Variants in JADE3 observed in about 807,000 individuals in gnomAD.
JADE3 encodes protein Jade-3.
In JADE3, 2 loss-of-function variants were observed where a neutral mutation model predicts 50.1. The observed-to-expected ratio is 0.04, with a 90% CI of 0.02 to 0.13. The LOEUF (loss-of-function observed/expected upper bound fraction) is 0.13, where lower values mean the gene tolerates loss of function less well. Ranked by LOEUF, JADE3 falls within the 10% of genes least tolerant of loss-of-function variation. The pLI, the probability that JADE3 is intolerant of heterozygous loss-of-function variation, is 1.00. For synonymous variants in JADE3, 218 were observed against 232.9 expected, an observed-to-expected ratio of 0.94 and a Z score of 0.58; for missense variants, 475 against 634.4, an observed-to-expected ratio of 0.75 and a Z score of 2.70.
At chrX:46,942,674 A>G (rs188111208) in intron 1 of JADE3, among the ~76,000 whole-genome samples, 18 of 111,980 alleles carry the variant, frequency 1.6e-4, no homozygotes, top group African/African-American at 4.2e-4. Flanking sequence ...TGCTTTGGCT[A>G]TTTAGGCTCT....
chrX:46,969,746 T>C (rs1265277004), intron 1 of JADE3, among the ~76,000 whole-genome samples: 1 of 111,537 alleles, frequency 9.0e-6, no homozygotes, highest in Non-Finnish European at 1.9e-5. Context: ...CAAGAATTGC[T>C]CGAACCCGGG....
rs1929690241 is a variant in JADE3, at chrX:47,058,688, A to G, written c.2083A>G (p.Ser695Gly). Residue 695 changes from serine (S) to glycine (G), a missense_variant, in exon 11 of 11, where the codon AGC (serine) becomes GGC (glycine). Around this residue, in one of 6 missense-constraint regions of JADE3, gnomAD observed 243 missense variants for 238.2 expected, o/e 1.02. Coordinates refer to ENST00000614628, the MANE Select transcript of JADE3 (RefSeq NM_014735.5). ...GTTCTGTGACCAGGAGCCTGTGTTC[A>G]GCCCCCACTTGGTCAGTCAGGGCAG... is the stretch of plus-strand genomic sequence containing the variant. Reference protein sequence around the residue: ...EMFCDQEPVFSPHLVSQGSFR... With the variant: ...EMFCDQEPVFGPHLVSQGSFR... 3 of 1,211,560 alleles carry G rather than the reference A, an allele frequency of 2.5e-6. No individual in the cohort carries two copies. Among genetic ancestry groups the G allele is most frequent in the Non-Finnish European group, 3.4e-6 (3 of 895,399 alleles).
At chrX:47,014,970 CTA>C (rs1556362554) in intron 4 of JADE3, among the ~76,000 whole-genome samples, 1 of 112,153 alleles carries the variant, frequency 8.9e-6, no homozygotes, top group African/African-American at 3.2e-5. Context: ...TTATGTATTA[CTA>C]TGTTAATAAT....
chrX:47,056,277 C>A (rs1170738609), intron 10 of JADE3, 78 bp downstream of exon 10: 1 of 522,632 alleles, frequency 1.9e-6, no homozygotes, highest in Non-Finnish European at 3.3e-6. Context: ...AAATTTCATG[C>A]CAGTCATTCC....
At chrX:47,024,949 A>T in intron 5 of JADE3, 35 bp downstream of exon 5, 1 of 863,528 alleles carries the variant, frequency 1.2e-6, no homozygotes, top group Admixed American at 3.0e-5. Context: ...TTGTGACTTA[A>T]TTCATGTTTT....
intron 4 of JADE3, among the ~76,000 whole-genome samples, chrX:47,018,311 G>C (rs1602410459): frequency 3.6e-5 from 4 of 110,201 alleles, no homozygotes; most frequent in Admixed American, 1.9e-4. Flanking sequence ...TGAGAATTCA[G>C]TAAGGAGCAC....
At chrX:47,041,599 T>C (rs781940982) in intron 8 of JADE3, among the ~76,000 whole-genome samples, 2 of 111,237 alleles carry the variant, frequency 1.8e-5, no homozygotes, top group Non-Finnish European at 3.8e-5. Flanking sequence ...TCCAGGCTGG[T>C]CTCGAACTCC....
intron 4 of JADE3, among the ~76,000 whole-genome samples, chrX:47,015,447 G>T (rs1556362646): frequency 9.2e-6 from 1 of 109,185 alleles, no homozygotes; most frequent in Admixed American, 9.8e-5. Context: ...AGCTGGGTGT[G>T]GTGGCTTATG....
At chrX:47,045,489 A>C (rs980666005) in intron 8 of JADE3, among the ~76,000 whole-genome samples, 1 of 112,585 alleles carries the variant, frequency 8.9e-6, no homozygotes, top group African/African-American at 3.2e-5. Context: ...GCATTGGACA[A>C]ATCATCCAGA....
rs184586426 is a variant in JADE3, at chrX:46,918,854, C to A, written c.-12+6135C>A. ...AGCACTTTTCAAATGTTTGCTGTGTCACATTTGCTATTGTCCCATAAGCTA... is the reference window on the plus strand; with the variant it reads ...AGCACTTTTCAAATGTTTGCTGTGTAACATTTGCTATTGTCCCATAAGCTA... On this transcript the variant is annotated intron_variant, in intron 1 of 10. Coordinates refer to ENST00000614628, the MANE Select transcript of JADE3 (RefSeq NM_014735.5). Among the ~76,000 whole-genome samples the A allele has an allele frequency of 5.3e-3, 597 of 112,407 alleles. 3 individuals are homozygous for A. The highest frequency in any genetic ancestry group is 8.2e-3 in the Non-Finnish European group (435 of 53,291).
intron 1 of JADE3, among the ~76,000 whole-genome samples, chrX:46,976,737 AT>A (rs1181047707): frequency 8.9e-6 from 1 of 111,848 alleles, no homozygotes; most frequent in African/African-American, 3.2e-5. Flanking sequence ...TTCTAAGGTA[AT>A]TTTTTTCATG....
At position 46,926,712 on chromosome X, in the gene JADE3, A is replaced by G. The variant is rs782508354; in HGVS notation, c.-12+13993A>G. ...TCTGGCAGCCACTGATCTGTGTTCT[A>G]TCACTACAGTTTTGTTATTTTGAGA... On this transcript the variant is annotated intron_variant, in intron 1 of 10. Transcript: ENST00000614628. Among the ~76,000 whole-genome samples, 3 of 112,672 alleles carry G rather than the reference A, an allele frequency of 2.7e-5. No homozygotes were observed. The East Asian group carries it at 8.3e-4, about 31-fold the overall frequency.
chrX:46,947,362 C>T lies in JADE3; in HGVS notation c.-12+34643C>T, dbSNP rs142536838. ...ACTGCGGTGTTCTTGTCCTTGAGCC[C>T]GGAGGGGTAGATACTTGGACATGGA... is the stretch of plus-strand genomic sequence containing the variant. On this transcript the variant is annotated intron_variant, in intron 1 of 10. Transcript: ENST00000614628. Among the ~76,000 whole-genome samples, 1,044 of 111,342 alleles carry T rather than the reference C, an allele frequency of 9.4e-3. 15 individuals are homozygous for T. Among genetic ancestry groups the T allele is most frequent in the African/African-American group, 0.032 (981 of 30,620 alleles).
intron 5 of JADE3, among the ~76,000 whole-genome samples, chrX:47,027,052 G>A (rs782008829): frequency 1.8e-5 from 2 of 112,128 alleles, no homozygotes; most frequent in South Asian, 3.7e-4. Context: ...AAGTTTCTTA[G>A]GACATCTTAT....
chrX:46,983,733 G>A (rs978812096), intron 1 of JADE3, among the ~76,000 whole-genome samples: 9 of 111,442 alleles, frequency 8.1e-5, no homozygotes, highest in African/African-American at 2.9e-4. Flanking sequence ...AGATTTTCTC[G>A]AATAAGTACT....
intron 1 of JADE3, among the ~76,000 whole-genome samples, chrX:46,981,111 G>A (rs1160944059): frequency 4.5e-5 from 5 of 111,700 alleles, no homozygotes; most frequent in Non-Finnish European, 9.4e-5. Flanking sequence ...AGAAAGGAAC[G>A]CAGTCCTGAT....
intron 4 of JADE3, among the ~76,000 whole-genome samples, chrX:47,011,202 C>A (rs943134844): frequency 1.1e-4 from 12 of 112,645 alleles, no homozygotes; most frequent in African/African-American, 3.9e-4. Flanking sequence ...TCTTATGGAA[C>A]TGCCCACTCT....
intron 1 of JADE3, among the ~76,000 whole-genome samples, chrX:46,979,340 C>T (rs149969689): frequency 4.3e-4 from 48 of 112,337 alleles, no homozygotes; most frequent in African/African-American, 1.2e-3. Flanking sequence ...AGTACACATA[C>T]CCAGAACTTC....
intron 1 of JADE3, among the ~76,000 whole-genome samples, chrX:46,922,690 A>G (rs540324724): frequency 2.8e-5 from 3 of 109,053 alleles, no homozygotes; most frequent in South Asian, 3.9e-4. Flanking sequence ...CCTTTGATTC[A>G]TTCTTACAGT....
Sources: gnomAD v4.1 joint callset for allele counts (sites outside exome capture counted in the v4.1 genomes callset) on GRCh38, gnomAD v4.1.1 for gene constraint, gnomAD v4.1.1 regional missense constraint, MANE v1.5 for transcripts, NCBI Gene and HGNC (gene_info 2026-07-23, HGNC 2026-07-21) for gene names.